Variants in ELOVL4 observed in about 807,000 individuals in gnomAD.
The protein encoded by ELOVL4 is very long chain fatty acid elongase 4.
ELOVL4 carries 18 observed loss-of-function variants against 42.1 expected under a neutral mutation model. The observed-to-expected ratio is 0.43, with a 90% CI of 0.30 to 0.63. The LOEUF (loss-of-function observed/expected upper bound fraction) is 0.63, where lower values mean the gene tolerates loss of function less well. Among genes scored for constraint, ELOVL4 ranks in the 30% least tolerant of loss-of-function variants. The probability of loss-of-function intolerance (pLI) is 0.15; values close to 1 mark genes in which losing one functional copy is unlikely to be tolerated. For missense variants in ELOVL4, 299 were observed against 376.2 expected (o/e 0.79, Z 1.70); for synonymous variants, 117 against 127.0 (o/e 0.92, Z 0.53).
chr6:79,928,042 C>G (rs1309771387), intron 1 of ELOVL4, among the ~76,000 whole-genome samples: 1 of 152,074 alleles, frequency 6.6e-6, no homozygotes, highest in East Asian at 1.9e-4. Context: ...ATGACCATAT[C>G]TTTCTATGCT....
At position 79,916,501 on chromosome 6, in the gene ELOVL4, T is replaced by C; in HGVS notation, c.*107A>G. 1 of 1,331,848 alleles carries C rather than the reference T, an allele frequency of 7.5e-7. No individual in the cohort carries two copies. The allele number at this position is 1,331,848 out of a possible 1,614,324, so 82.5% of individuals were successfully genotyped here. On this transcript the variant is annotated 3_prime_UTR_variant, in exon 6 of 6. Coordinates refer to ENST00000369816, the MANE Select transcript of ELOVL4 (RefSeq NM_022726.4). Reference sequence around the variant, plus strand: ...GTTACTAGGACATAGAGCACATTTGTCTTTTCTCCCCACCCCCAAGCTCTC... The same window carrying C: ...GTTACTAGGACATAGAGCACATTTGCCTTTTCTCCCCACCCCCAAGCTCTC...
At chr6:79,944,076 A>T (rs1774695850) in intron 1 of ELOVL4, among the ~76,000 whole-genome samples, 1 of 152,224 alleles carries the variant, frequency 6.6e-6, no homozygotes, top group Non-Finnish European at 1.5e-5. Context: ...TACCGTAAGC[A>T]TCCTACTAAC....
At chr6:79,936,286 G>T (rs1290457119) in intron 1 of ELOVL4, among the ~76,000 whole-genome samples, 1 of 152,052 alleles carries the variant, frequency 6.6e-6, no homozygotes, top group African/African-American at 2.4e-5. Flanking sequence ...CCTTTAATTT[G>T]TTAAAACCAA....
rs113488297 is a variant in ELOVL4 at position 79,927,046 on chromosome 6, C to T, written c.101-665G>A. 5.6e-3 allele frequency among the ~76,000 whole-genome samples: 855 copies of T among 152,222 alleles called. 6 individuals carry two copies. The highest frequency in any genetic ancestry group is 0.02 in the African/African-American group (818 of 41,538). Reference sequence around the variant, plus strand: ...AATGTTTTTCTCTAGAGCTGTAAATCGCATAACTTACATATGTGTAACTAT... The same window carrying T: ...AATGTTTTTCTCTAGAGCTGTAAATTGCATAACTTACATATGTGTAACTAT... On this transcript the variant is annotated intron_variant, in intron 1 of 5. Transcript: ENST00000369816.
intron 1 of ELOVL4, among the ~76,000 whole-genome samples, chr6:79,931,083 T>C (rs1363287874): frequency 2.0e-5 from 3 of 152,168 alleles, no homozygotes; most frequent in Non-Finnish European, 2.9e-5. Flanking sequence ...TTTAGAAAGT[T>C]TTGGTGGGGT....
chr6:79,939,536 T>C lies in ELOVL4; in HGVS notation c.100+7644A>G, dbSNP rs1048012372. 4.6e-5 allele frequency among the ~76,000 whole-genome samples: 7 copies of C among 151,382 alleles called. 1 individual carries two copies. In the East Asian group the frequency reaches 1.2e-3, roughly 25 times the overall value. ...ATTTATTTATTTATTTATTTATTTATTTATTGGGCCAGGATCTTACTCTGT... is the reference window on the plus strand; with the variant it reads ...ATTTATTTATTTATTTATTTATTTACTTATTGGGCCAGGATCTTACTCTGT... On this transcript the variant is annotated intron_variant, in intron 1 of 5. Transcript: ENST00000369816.
intron 5 of ELOVL4, among the ~76,000 whole-genome samples, chr6:79,917,891 T>C (rs1362737436): frequency 6.6e-6 from 1 of 152,174 alleles, no homozygotes; most frequent in Admixed American, 6.5e-5. Flanking sequence ...AAAGAATCAC[T>C]TTCAACTTTA....
intron 1 of ELOVL4, among the ~76,000 whole-genome samples, chr6:79,927,351 T>C (rs1192197178): frequency 6.6e-6 from 1 of 152,158 alleles, no homozygotes; most frequent in Non-Finnish European, 1.5e-5. Flanking sequence ...AAACATTTTA[T>C]GTCGTATTTT....
In ELOVL4 at chr6:79,916,335, C is replaced by T; in HGVS notation, c.*273G>A. On this transcript the variant is annotated 3_prime_UTR_variant, in exon 6 of 6. Coordinates refer to ENST00000369816, the MANE Select transcript of ELOVL4 (RefSeq NM_022726.4). The stretch of plus-strand genomic sequence containing the variant: ...CATCCTTTAGACAACTGGATGTGAA[C>T]AGGGGGAGAATCCCCAAAGTCACTT... 1 of 437,526 alleles carries T rather than the reference C, an allele frequency of 2.3e-6. No individual in the cohort carries two copies. The highest frequency in any genetic ancestry group is 6.5e-4 in the Middle Eastern group (1 of 1,548). 27.1% of individuals were successfully genotyped at this position (437,526 alleles called of 1,614,324 possible).
chr6:79,921,880 A>C (rs1040409639), intron 3 of ELOVL4, 84 bp from the exon 4 acceptor site: 16 of 1,319,030 alleles, frequency 1.2e-5, no homozygotes, highest in Non-Finnish European at 1.7e-5. Flanking sequence ...TCCAAAATAA[A>C]CATTTGTATA....
At chr6:79,925,441 C>A (rs1472105758) in intron 2 of ELOVL4, among the ~76,000 whole-genome samples, 1 of 152,052 alleles carries the variant, frequency 6.6e-6, no homozygotes, top group African/African-American at 2.4e-5. Context: ...AGACTCGAGG[C>A]TAAGTTTTCA....
At chr6:79,922,712 G>A (rs1472784809) in intron 3 of ELOVL4, among the ~76,000 whole-genome samples, 1 of 152,176 alleles carries the variant, frequency 6.6e-6, no homozygotes, top group Non-Finnish European at 1.5e-5. Context: ...AGGCTTAGGT[G>A]TTTTAGAGTT....
chr6:79,947,361 G>A lies in ELOVL4; in HGVS notation c.-82C>T, dbSNP rs1774769071. On this transcript the variant is annotated 5_prime_UTR_variant, in exon 1 of 6. Coordinates refer to ENST00000369816, the MANE Select transcript of ELOVL4 (RefSeq NM_022726.4). ...GACCCCGGAGGCGGTGGCGGCCGAC[G>A]GGGCGAGCGGCGGCCGGGAACCCCT... 9.0e-7 allele frequency: 1 copy of A among 1,117,056 alleles called. No individual in the cohort carries two copies. The highest frequency in any genetic ancestry group is 1.3e-6 in the Non-Finnish European group (1 of 759,296). 69.2% of individuals were successfully genotyped at this position (1,117,056 alleles called of 1,614,324 possible).
intron 1 of ELOVL4, among the ~76,000 whole-genome samples, chr6:79,944,274 T>A (rs1348807134): frequency 6.6e-6 from 1 of 152,108 alleles, no homozygotes; most frequent in Admixed American, 6.5e-5. Context: ...AGGACTCCAA[T>A]CCTAATAATT....
intron 1 of ELOVL4, among the ~76,000 whole-genome samples, chr6:79,932,551 CAA>C (rs33949073): frequency 7.0e-6 from 1 of 142,126 alleles, no homozygotes; most frequent in African/African-American, 2.5e-5. Flanking sequence ...GACTCCTTCT[CAA>C]AAAAAAAAAA....
In ELOVL4 at chr6:79,921,814, G is replaced by A. The variant is rs183975666; in HGVS notation, c.370-18C>T. On this transcript the variant is annotated intron_variant, in intron 3 of 5. Coordinates refer to ENST00000369816, the MANE Select transcript of ELOVL4 (RefSeq NM_022726.4). ...GCAGCTATCTGTAAAAAGGGAAAGC[G>A]TGTTATAAACACCAAAATGACACTA... The A allele has an allele frequency of 1.2e-3, 1,979 of 1,612,946 alleles. No homozygotes were observed. Among genetic ancestry groups the A allele is most frequent in the Non-Finnish European group, 1.5e-3 (1,720 of 1,179,184 alleles).
chr6:79,945,476 C>T (rs1774722859), intron 1 of ELOVL4, among the ~76,000 whole-genome samples: 3 of 152,160 alleles, frequency 2.0e-5, no homozygotes. Flanking sequence ...AAGGTGTATT[C>T]TACCTTTGCC....
At position 79,915,588 on chromosome 6, in the gene ELOVL4, T is replaced by C. The variant is rs563759730; in HGVS notation, c.*1020A>G. 18 of 152,542 alleles carry C rather than the reference T, an allele frequency of 1.2e-4. No individual in the cohort carries two copies. Among genetic ancestry groups the C allele is most frequent in the Admixed American group, 2.6e-4 (4 of 15,294 alleles). 9.4% of individuals were successfully genotyped at this position (152,542 alleles called of 1,614,324 possible). On this transcript the variant is annotated 3_prime_UTR_variant, in exon 6 of 6. Coordinates refer to ENST00000369816, the MANE Select transcript of ELOVL4 (RefSeq NM_022726.4). ...TTTGTCATAAAAGCAAAAAAAATAC[T>C]AGTGGATTTGAAAGTTAACATTAAA...
At chr6:79,925,181 G>A (rs992768472) in intron 2 of ELOVL4, 149 bp from the exon 3 acceptor site, 21 of 614,222 alleles carry the variant, frequency 3.4e-5, no homozygotes, top group East Asian at 5.6e-5. Context: ...CATGCATTCC[G>A]ATTGCTAGAA....
Sources: gnomAD v4.1 joint callset for allele counts (sites outside exome capture counted in the v4.1 genomes callset) on GRCh38, gnomAD v4.1.1 for gene constraint, MANE v1.5 for transcripts, NCBI Gene and HGNC (gene_info 2026-07-23, HGNC 2026-07-21) for gene names.